The following CACNA2D3 variants were observed in gnomAD, a reference collection of about 807,000 sequenced individuals.
CACNA2D3 encodes voltage-dependent calcium channel subunit alpha-2/delta-3.
In CACNA2D3, 60 loss-of-function variants were observed where a neutral mutation model predicts 160.6. The observed-to-expected ratio is 0.37, with a 90% CI of 0.30 to 0.46. The LOEUF (loss-of-function observed/expected upper bound fraction) is 0.46. Among genes scored for constraint, CACNA2D3 ranks in the 20% least tolerant of loss-of-function variants. CACNA2D3 has a pLI of 1.00. For synonymous variants in CACNA2D3, 558 were observed against 492.9 expected, an observed-to-expected ratio of 1.13 and a Z score of -1.75; for missense variants, 1,205 against 1,365.0, an observed-to-expected ratio of 0.88 and a Z score of 1.85.
intron 17 of CACNA2D3, among the ~76,000 whole-genome samples, chr3:54,868,133 A>G (rs1349289179): frequency 6.6e-6 from 1 of 152,200 alleles, no homozygotes; most frequent in African/African-American, 2.4e-5. Flanking sequence ...AGTACATTAG[A>G]GTTGTCTCAT....
chr3:54,980,560 T>C lies in CACNA2D3; in HGVS notation c.2557-4048T>C, dbSNP rs190180097. On this transcript the variant is annotated intron_variant, in intron 29 of 37. Transcript: ENST00000474759. Reference sequence around the variant, plus strand: ...TGTTTCCTTGGTGGTCTCAAATACATGTTACAGTGTTAACTCTTAGCAACT... The same window carrying C: ...TGTTTCCTTGGTGGTCTCAAATACACGTTACAGTGTTAACTCTTAGCAACT... Among the ~76,000 whole-genome samples, 3 of 152,260 alleles carry C rather than the reference T, an allele frequency of 2.0e-5. No individual in the cohort carries two copies. In the East Asian group the frequency reaches 5.8e-4, roughly 29 times the overall value.
At chr3:54,235,772 G>T (rs1454516031) in intron 2 of CACNA2D3, among the ~76,000 whole-genome samples, 2 of 152,192 alleles carry the variant, frequency 1.3e-5, no homozygotes, top group Non-Finnish European at 2.9e-5. Context: ...TAGGGGGGCA[G>T]CAGACAAGGA....
rs545233955 is a variant in CACNA2D3 at position 54,937,638 on chromosome 3, CA to C, written c.2450-30811del. ...CATAAGAGAATGCAGTCTGGCAATT[CA>C]GCCTGAGAGGTGAGGGCAGGCATCC... On this transcript the variant is annotated intron_variant, in intron 27 of 37. Transcript: ENST00000474759. 3.9e-5 allele frequency among the ~76,000 whole-genome samples: 6 copies of C among 152,274 alleles called. No individual in the cohort carries two copies. In the East Asian group the frequency reaches 1.2e-3, roughly 29 times the overall value.
chr3:54,739,325 C>T (rs764363425), intron 11 of CACNA2D3, among the ~76,000 whole-genome samples: 18 of 148,708 alleles, frequency 1.2e-4, no homozygotes, highest in Non-Finnish European at 1.9e-4. Context: ...GAGGCCGAAG[C>T]GGGAGAATTG....
At chr3:54,993,799 G>A (rs926816381) in intron 31 of CACNA2D3, among the ~76,000 whole-genome samples, 1 of 151,330 alleles carries the variant, frequency 6.6e-6, no homozygotes, top group Non-Finnish European at 1.5e-5. Flanking sequence ...CTCTCGTCGA[G>A]CCACCAGTAG....
At chr3:54,250,737 A>G (rs1406399498) in intron 2 of CACNA2D3, among the ~76,000 whole-genome samples, 1 of 152,238 alleles carries the variant, frequency 6.6e-6, no homozygotes, top group African/African-American at 2.4e-5. Flanking sequence ...TTTAAAAAGA[A>G]CAATAAATTC....
At chr3:54,729,849 A>G (rs917150887) in intron 11 of CACNA2D3, among the ~76,000 whole-genome samples, 1 of 151,948 alleles carries the variant, frequency 6.6e-6, no homozygotes, top group Non-Finnish European at 1.5e-5. Flanking sequence ...AATACAAAAA[A>G]TAAGCTGGGC....
chr3:55,006,101 A>G (rs1341105436), intron 32 of CACNA2D3, among the ~76,000 whole-genome samples: 2 of 152,224 alleles, frequency 1.3e-5, no homozygotes, highest in Non-Finnish European at 2.9e-5. Context: ...ATGTCTTTCT[A>G]ACCCAACTCC....
intron 2 of CACNA2D3, among the ~76,000 whole-genome samples, chr3:54,151,387 A>T (rs904146581): frequency 2.7e-5 from 4 of 149,966 alleles, no homozygotes; most frequent in African/African-American, 7.4e-5. Flanking sequence ...GGATGAGTAG[A>T]TGGATGAATA....
At chr3:54,493,060 C>CTTTTTTTTTTTTTTT (rs34225864) in intron 4 of CACNA2D3, among the ~76,000 whole-genome samples, 1 of 58,770 alleles carries the variant, frequency 1.7e-5, no homozygotes, top group African/African-American at 7.7e-5. Context: ...TTGCTCAAAA[C>CTTTTTTTTTTTTTTT]TTTTTTTTTT....
At chr3:54,507,872 G>T (rs1322161444) in intron 5 of CACNA2D3, among the ~76,000 whole-genome samples, 2 of 152,230 alleles carry the variant, frequency 1.3e-5, no homozygotes, top group Non-Finnish European at 2.9e-5. Flanking sequence ...GACAATCATA[G>T]TGAGTTGCCT....
At chr3:54,404,700 TACAG>T (rs1699540008) in intron 4 of CACNA2D3, among the ~76,000 whole-genome samples, 1 of 152,054 alleles carries the variant, frequency 6.6e-6, no homozygotes, top group African/African-American at 2.4e-5. Context: ...TATCACGAAT[TACAG>T]ATGACATGAT....
chr3:54,133,922 A>C (rs1425774424), intron 2 of CACNA2D3, among the ~76,000 whole-genome samples: 2 of 152,158 alleles, frequency 1.3e-5, no homozygotes, highest in Non-Finnish European at 2.9e-5. Flanking sequence ...CAAGTTCCTT[A>C]CCTGTAAAAT....
chr3:55,029,369 A>C (rs1217425147), intron 35 of CACNA2D3, among the ~76,000 whole-genome samples: 3 of 152,018 alleles, frequency 2.0e-5, no homozygotes, highest in Non-Finnish European at 4.4e-5. Flanking sequence ...GTGTGGGTTT[A>C]AAAAAAGATG....
At chr3:54,385,439 G>A (rs1253365662) in intron 3 of CACNA2D3, among the ~76,000 whole-genome samples, 2 of 152,192 alleles carry the variant, frequency 1.3e-5, no homozygotes, top group Non-Finnish European at 2.9e-5. Flanking sequence ...GGCCTCTGAT[G>A]TTCTCTGGGG....
At chr3:54,728,836 C>T (rs904353388) in intron 11 of CACNA2D3, among the ~76,000 whole-genome samples, 2 of 152,186 alleles carry the variant, frequency 1.3e-5, no homozygotes, top group Admixed American at 6.5e-5. Context: ...GAGGGCTTAA[C>T]TTTAAATTTT....
At chr3:54,430,260 A>C (rs1699969822) in intron 4 of CACNA2D3, among the ~76,000 whole-genome samples, 2 of 152,220 alleles carry the variant, frequency 1.3e-5, no homozygotes, top group African/African-American at 4.8e-5. Flanking sequence ...TATTCTGTGC[A>C]GATTTATCAA....
chr3:55,007,838 G>A lies in CACNA2D3; in HGVS notation c.2815G>A (p.Val939Ile). 1 of 1,542,308 alleles carries A rather than the reference G, an allele frequency of 6.5e-7. No individual in the cohort carries two copies. ...AGTAAAATGGATCATGACAGAACTT[G>A]TCTTGTAAGTAAAATCTGCTGCATT... ...SAVKWIMTEL[V>I]LFLVEFNLCS... The change falls in exon 33 of 38, where the codon GTC (valine) becomes ATC (isoleucine). Residue 939 changes from valine to isoleucine, a missense_variant. Transcript: ENST00000474759.
chr3:54,476,620 T>G (rs1181555742), intron 4 of CACNA2D3, among the ~76,000 whole-genome samples: 1 of 152,158 alleles, frequency 6.6e-6, no homozygotes, highest in Non-Finnish European at 1.5e-5. Flanking sequence ...GAGATGTTAC[T>G]TCTTTGTGGT....
Sources: allele counts gnomAD v4.1 joint callset (sites outside exome capture counted in the v4.1 genomes callset), GRCh38; gene constraint gnomAD v4.1.1; transcripts MANE v1.5; gene names NCBI Gene and HGNC (gene_info 2026-07-23, HGNC 2026-07-21).